RANBP2: variants seen among roughly 807,000 people sequenced by gnomAD.
The protein encoded by RANBP2 is E3 SUMO-protein ligase RanBP2.
In RANBP2, 57 loss-of-function variants were observed where a neutral mutation model predicts 303.6. That is an observed-to-expected ratio of 0.19 (90% confidence interval 0.15 to 0.23). The LOEUF (loss-of-function observed/expected upper bound fraction) is 0.23, where lower values mean the gene tolerates loss of function less well. RANBP2 is among the 10% of genes least tolerant of loss of function. The probability of loss-of-function intolerance (pLI) is 1.00; values close to 1 mark genes in which losing one functional copy is unlikely to be tolerated. For synonymous variants in RANBP2, 1,167 were observed against 1,301.5 expected, an observed-to-expected ratio of 0.90 and a Z score of 2.23; for missense variants, 3,138 against 3,780.8, an observed-to-expected ratio of 0.83 and a Z score of 4.46.
chr2:108,720,215 C>T, intron 1 of RANBP2: 1 of 919,518 alleles, frequency 1.1e-6, no homozygotes. Context: ...CCCGACGGCG[C>T]AAATGACACT....
At chr2:109,436,673 T>C in the RANBP2 span, among the ~76,000 whole-genome samples, 4 of 152,250 alleles carry the variant, frequency 2.6e-5, no homozygotes, top group African/African-American at 9.6e-5. Context: ...GCGGCTTTGC[T>C]ATCTCTTAAA....
At chr2:108,998,436 G>A in the RANBP2 span, among the ~76,000 whole-genome samples, 144 of 152,270 alleles carry the variant, frequency 9.5e-4, 2 homozygotes, top group African/African-American at 3.4e-3. Context: ...AAAACATCTC[G>A]TTGGGAAGTC....
At chr2:109,259,817 G>A in the RANBP2 span, among the ~76,000 whole-genome samples, 1 of 151,448 alleles carries the variant, frequency 6.6e-6, no homozygotes, top group Non-Finnish European at 1.5e-5. Context: ...GGAGGTCTCT[G>A]TTTGTCTGGC....
chr2:109,725,030 G>A, the RANBP2 span, among the ~76,000 whole-genome samples: 1 of 152,222 alleles, frequency 6.6e-6, no homozygotes, highest in African/African-American at 2.4e-5. Flanking sequence ...CTTGGTGGCA[G>A]TGCTTACTCA....
intron 4 of RANBP2, 39 bp downstream of exon 4, chr2:108,731,513 T>C (rs1212710048): frequency 1.9e-6 from 3 of 1,609,914 alleles, no homozygotes; most frequent in Non-Finnish European, 2.5e-6. Context: ...ACTTAAGACA[T>C]AACCATTTCT....
chr2:109,642,142 G>A, the RANBP2 span, among the ~76,000 whole-genome samples: 3 of 152,042 alleles, frequency 2.0e-5, no homozygotes, highest in Non-Finnish European at 4.4e-5. Context: ...TGGCTAGGCT[G>A]GTCTCGAACT....
intron 19 of RANBP2, among the ~76,000 whole-genome samples, chr2:108,762,755 A>G (rs1676816811): frequency 6.6e-6 from 1 of 151,730 alleles, no homozygotes; most frequent in African/African-American, 2.4e-5. Context: ...AGTGCTTAGA[A>G]CAGTGCCCAG....
At chr2:108,888,649 C>T in the RANBP2 span, among the ~76,000 whole-genome samples, 10,574 of 151,944 alleles carry the variant, frequency 0.07, 468 homozygotes, top group South Asian at 0.15. Context: ...TCTGTGGTAT[C>T]GCTTGTAATA....
chr2:109,667,232 C>T, the RANBP2 span: 45 of 996,688 alleles, frequency 4.5e-5, no homozygotes, highest in Non-Finnish European at 5.6e-5. Flanking sequence ...CCCAAGCAAA[C>T]GCAGGCAAGG....
chr2:109,005,350 G>C, the RANBP2 span, among the ~76,000 whole-genome samples: 1 of 152,156 alleles, frequency 6.6e-6, no homozygotes, highest in Non-Finnish European at 1.5e-5. Flanking sequence ...CCAAATTCCT[G>C]ATCTCCACAA....
chr2:109,379,685 C>T, the RANBP2 span, among the ~76,000 whole-genome samples: 1 of 152,172 alleles, frequency 6.6e-6, no homozygotes, highest in Non-Finnish European at 1.5e-5. Flanking sequence ...TGGAAGGGAT[C>T]CCCCAGCCTT....
chr2:109,580,259 A>G, the RANBP2 span, among the ~76,000 whole-genome samples: 3 of 151,970 alleles, frequency 2.0e-5, no homozygotes, highest in African/African-American at 4.8e-5. Context: ...ATCTAAAATT[A>G]TAAGGTTAAT....
At chr2:109,319,494 C>T in the RANBP2 span, among the ~76,000 whole-genome samples, 9 of 152,170 alleles carry the variant, frequency 5.9e-5, no homozygotes, top group South Asian at 4.1e-4. Context: ...GGGGTAGTGA[C>T]GGTGGTCAAG....
At position 108,780,039 on chromosome 2, in the gene RANBP2, C is replaced by T. The variant is rs753093603; in HGVS notation, c.8600-1230C>T. Among the ~76,000 whole-genome samples the T allele has an allele frequency of 6.0e-4, 92 of 152,106 alleles. 1 individual carries two copies. Among genetic ancestry groups the T allele is most frequent in the Non-Finnish European group, 1.1e-3 (73 of 68,026 alleles). ...TTTAGAAGTAGGTAAAAAGAACCTA[C>T]TTCTTTACTTGGAAGTCCTTGTGTA... On this transcript the variant is annotated intron_variant, in intron 25 of 28. Coordinates refer to ENST00000283195, the MANE Select transcript of RANBP2 (RefSeq NM_006267.5).
rs199908301 is a variant in RANBP2 at position 108,782,124 on chromosome 2, A to G, written c.8761-4A>G. The G allele has an allele frequency of 7.2e-5, 117 of 1,613,870 alleles. 3 individuals carry two copies. Among genetic ancestry groups the G allele is most frequent in the South Asian group, 6.4e-4 (58 of 91,046 alleles). ...CTTATAGAGAATTTCATCTCCTATT[A>G]TAGGTAGAAGTAAAATCTGGAGAAG... On this transcript the variant is annotated splice_polypyrimidine_tract_variant and splice_region_variant and intron_variant, in intron 26 of 28. Transcript: ENST00000283195.
At chr2:109,692,309 G>A in the RANBP2 span, among the ~76,000 whole-genome samples, 2 of 151,956 alleles carry the variant, frequency 1.3e-5, no homozygotes, top group Non-Finnish European at 2.9e-5. Context: ...TGGGGAGGGC[G>A]CTGGGGTTAC....
chr2:108,953,497 A>G, the RANBP2 span, among the ~76,000 whole-genome samples: 1 of 152,022 alleles, frequency 6.6e-6, no homozygotes, highest in Non-Finnish European at 1.5e-5. Context: ...GCCAGGGTGA[A>G]TGGGTATATT....
the RANBP2 span, among the ~76,000 whole-genome samples, chr2:109,395,278 C>T: frequency 6.6e-6 from 1 of 152,146 alleles, no homozygotes; most frequent in African/African-American, 2.4e-5. Flanking sequence ...TGAGGCCCTT[C>T]GGGTTAGTCC....
At chr2:109,161,392 G>A in the RANBP2 span, among the ~76,000 whole-genome samples, 1 of 152,078 alleles carries the variant, frequency 6.6e-6, no homozygotes, top group East Asian at 1.9e-4. Context: ...GCAGCCTCCT[G>A]AGCCTTCGTT....
Sources: allele counts gnomAD v4.1 joint callset (sites outside exome capture counted in the v4.1 genomes callset), GRCh38; gene constraint gnomAD v4.1.1; transcripts MANE v1.5; gene names NCBI Gene and HGNC (gene_info 2026-07-23, HGNC 2026-07-21).